Variants in FGF1 observed in about 807,000 individuals in gnomAD.
FGF1 encodes beta-endothelial cell growth factor.
FGF1 carries 9 observed loss-of-function variants against 13.4 expected under a neutral mutation model. The ratio of observed to expected loss-of-function variants is 0.67; its 90% CI spans 0.40 to 1.17. FGF1 has a LOEUF of 1.17. Among genes scored for constraint, FGF1 ranks in the 50% most tolerant of loss-of-function variants. The pLI is 0.01. For missense variants in FGF1, 156 were observed against 192.7 expected (o/e 0.81, Z 1.13); for synonymous variants, 93 against 79.0 (o/e 1.18, Z -0.94).
At chr5:142,687,094 G>A (rs183477957), upstream of FGF1, among the ~76,000 whole-genome samples, 43 of 151,772 alleles carry the variant, frequency 2.8e-4, no homozygotes, top group Admixed American at 2.1e-3. Flanking sequence ...TTATGCAGGC[G>A]TTTGAGCCCA....
rs919629387 is a variant in FGF1 at position 142,595,029 on chromosome 5, G to A, written c.*261C>T. ...CATGGAGGGACTCAGCCTGCAAGAG[G>A]CAATTGGAGATCCAAACCCAGACCC... On this transcript the variant is annotated 3_prime_UTR_variant, in exon 4 of 4. Transcript: ENST00000337706. The A allele has an allele frequency of 7.6e-6, 3 of 396,342 alleles. No homozygotes were observed. Among genetic ancestry groups the A allele is most frequent in the African/African-American group, 4.1e-5 (2 of 48,978 alleles). The allele number at this position is 396,342 out of a possible 1,614,324, so 24.6% of individuals were successfully genotyped here. A position where few individuals can be genotyped will look rare whatever the true frequency, so the allele number is the denominator to read the frequency against.
chr5:142,608,014 T>A (rs1000917554), intron 2 of FGF1, among the ~76,000 whole-genome samples: 4 of 152,196 alleles, frequency 2.6e-5, no homozygotes, highest in African/African-American at 9.7e-5. Context: ...TAGCAATCCC[T>A]TACTTTCCAA....
intron 1 of FGF1, among the ~76,000 whole-genome samples, chr5:142,644,809 G>A (rs535066874): frequency 4.6e-4 from 70 of 152,310 alleles, no homozygotes; most frequent in African/African-American, 1.6e-3. Flanking sequence ...CAGAGTGCAT[G>A]GCACATAGTA....
chr5:142,608,544 A>ATC (rs1333286474), intron 2 of FGF1, among the ~76,000 whole-genome samples: 135 of 24,012 alleles, frequency 5.6e-3, no homozygotes, highest in Non-Finnish European at 9.5e-3. Flanking sequence ...ATACACATCT[A>ATC]TATATATATA....
At chr5:142,617,633 A>G (rs1188017676) in intron 1 of FGF1, among the ~76,000 whole-genome samples, 1 of 152,138 alleles carries the variant, frequency 6.6e-6, no homozygotes, top group Non-Finnish European at 1.5e-5. Context: ...CTTCAGATCC[A>G]CAACTGAAAA....
chr5:142,647,650 C>T (rs1212521710), intron 1 of FGF1, among the ~76,000 whole-genome samples: 1 of 152,206 alleles, frequency 6.6e-6, no homozygotes, highest in Non-Finnish European at 1.5e-5. Context: ...TATACCTAGT[C>T]TGAAGGTAGT....
At position 142,618,921 on chromosome 5, in the gene FGF1, GTTGTTTTGTTTT is replaced by G. The variant is rs1298723176; in HGVS notation, c.-34-4772_-34-4761del. 3.1e-3 allele frequency among the ~76,000 whole-genome samples: 339 copies of G among 108,370 alleles called. 19 individuals carry two copies. The highest frequency in any genetic ancestry group is 0.011 in the African/African-American group (331 of 30,672). The allele number at this position is 108,370 out of a possible 152,430, so 71.1% of individuals were successfully genotyped here. On this transcript the variant is annotated intron_variant, in intron 1 of 3. Coordinates refer to ENST00000337706, the MANE Select transcript of FGF1 (RefSeq NM_000800.5). ...GGCAAACACTGACATTTATTTTTTA[GTTGTTTTGTTTT>G]TTTTTTTTTTTTTTTTTTTGAGACG...
At chr5:142,651,435 G>A (rs879569518) in intron 1 of FGF1, among the ~76,000 whole-genome samples, 3 of 152,144 alleles carry the variant, frequency 2.0e-5, no homozygotes, top group Non-Finnish European at 2.9e-5. Flanking sequence ...CCCCTAAACA[G>A]CACTCCCCAC....
intron 3 of FGF1, among the ~76,000 whole-genome samples, chr5:142,600,001 A>G (rs1756140936): frequency 6.6e-6 from 1 of 152,226 alleles, no homozygotes; most frequent in South Asian, 2.1e-4. Context: ...ATGACATATA[A>G]ACTATGAAAG....
At chr5:142,674,797 C>G (rs560228422) in intron 1 of FGF1, among the ~76,000 whole-genome samples, 2 of 152,294 alleles carry the variant, frequency 1.3e-5, no homozygotes, top group Non-Finnish European at 2.9e-5. Flanking sequence ...TTAGAGGTTT[C>G]TAAAGAGATA....
chr5:142,640,044 A>T, intron 1 of FGF1, among the ~76,000 whole-genome samples: 1 of 151,936 alleles, frequency 6.6e-6, no homozygotes, highest in South Asian at 2.1e-4. Context: ...GCCATACTGA[A>T]CCCAAGTATG....
At chr5:142,640,426 TGG>T (rs771167178) in intron 1 of FGF1, among the ~76,000 whole-genome samples, 3 of 71,054 alleles carry the variant, frequency 4.2e-5, no homozygotes, top group East Asian at 4.5e-4. Context: ...TGGAGTATGG[TGG>T]GGGGGGGGGT....
At chr5:142,660,679 A>G (rs1597368678) in intron 1 of FGF1, among the ~76,000 whole-genome samples, 2 of 152,158 alleles carry the variant, frequency 1.3e-5, no homozygotes, top group South Asian at 2.1e-4. Flanking sequence ...TGTTCTCCTC[A>G]GCTCATCAGC....
At chr5:142,665,557 A>G (rs1770145737) in intron 1 of FGF1, among the ~76,000 whole-genome samples, 1 of 152,016 alleles carries the variant, frequency 6.6e-6, no homozygotes, top group African/African-American at 2.4e-5. Flanking sequence ...ACCCTGGCTC[A>G]CTGCATCCAG....
intron 1 of FGF1, among the ~76,000 whole-genome samples, chr5:142,636,994 A>G (rs1458030365): frequency 2.6e-5 from 4 of 151,946 alleles, no homozygotes; most frequent in Non-Finnish European, 5.9e-5. Context: ...AATTGGAGGA[A>G]AGGCAAGGAA....
chr5:142,613,944 T>C lies in FGF1; in HGVS notation c.169+15A>G. 1.2e-6 allele frequency: 2 copies of C among 1,611,326 alleles called. No homozygotes were observed. The highest frequency in any genetic ancestry group is 1.7e-6 in the Non-Finnish European group (2 of 1,178,774). ...TGTCAGAAAGGGAAGGGGGGTGCCATAGAGATGGGCTTACTGTGCTGGTCG... is the reference window on the plus strand; with the variant it reads ...TGTCAGAAAGGGAAGGGGGGTGCCACAGAGATGGGCTTACTGTGCTGGTCG... On this transcript the variant is annotated intron_variant, in intron 2 of 3. Transcript: ENST00000337706.
chr5:142,685,252 T>C (rs954307581), intron 1 of FGF1, among the ~76,000 whole-genome samples: 2 of 152,166 alleles, frequency 1.3e-5, no homozygotes, highest in African/African-American at 4.8e-5. Flanking sequence ...GAGGATGTGA[T>C]ATTCCAAGAT....
chr5:142,648,303 T>C (rs554504297), intron 1 of FGF1, among the ~76,000 whole-genome samples: 2 of 152,148 alleles, frequency 1.3e-5, no homozygotes, highest in African/African-American at 4.8e-5. Context: ...GTGGCACATA[T>C]ACACCATGGA....
chr5:142,602,057 G>A (rs1297066239), intron 2 of FGF1, among the ~76,000 whole-genome samples: 2 of 152,208 alleles, frequency 1.3e-5, no homozygotes, highest in Non-Finnish European at 2.9e-5. Context: ...TCCCTAGGAG[G>A]ATGAGGGGGC....
Sources: allele counts gnomAD v4.1 joint callset (sites outside exome capture counted in the v4.1 genomes callset), GRCh38; gene constraint gnomAD v4.1.1; transcripts MANE v1.5; gene names NCBI Gene and HGNC (gene_info 2026-07-23, HGNC 2026-07-21).